SLC24A2: variants seen among roughly 807,000 people sequenced by gnomAD.
The protein encoded by SLC24A2 is solute carrier family 24 member 2.
A neutral mutation model predicts 62.0 loss-of-function variants in SLC24A2; 36 were observed. That is an observed-to-expected ratio of 0.58 (90% CI 0.44 to 0.77). The LOEUF (loss-of-function observed/expected upper bound fraction) is 0.77. SLC24A2 is among the 30% of genes least tolerant of loss of function. SLC24A2 has a pLI of 0.00. For synonymous variants in SLC24A2, 358 were observed against 294.0 expected, an observed-to-expected ratio of 1.22 and a Z score of -2.23; for missense variants, 846 against 817.9, an observed-to-expected ratio of 1.03 and a Z score of -0.42.
At chr9:20,150,810 G>A in the SLC24A2 span, among the ~76,000 whole-genome samples, 3 of 151,746 alleles carry the variant, frequency 2.0e-5, no homozygotes, top group Non-Finnish European at 2.9e-5. Flanking sequence ...AATAAATATA[G>A]TATGATTTTT....
chr9:19,855,055 G>C, the SLC24A2 span, among the ~76,000 whole-genome samples: 1 of 152,060 alleles, frequency 6.6e-6, no homozygotes, highest in Non-Finnish European at 1.5e-5. Flanking sequence ...GCCCTCCTTT[G>C]TCTTTTTTAA....
intron 2 of SLC24A2, among the ~76,000 whole-genome samples, chr9:19,743,111 A>C (rs989172356): frequency 2.0e-5 from 3 of 147,824 alleles, no homozygotes; most frequent in Non-Finnish European, 4.4e-5. Context: ...TTGTGTGCTT[A>C]ACAACTATCT....
At chr9:20,077,088 T>A in the SLC24A2 span, among the ~76,000 whole-genome samples, 4 of 151,744 alleles carry the variant, frequency 2.6e-5, no homozygotes, top group African/African-American at 9.7e-5. Context: ...GAAATCTTTT[T>A]AAAAAAAGGT....
At chr9:19,520,780 A>G in intron 10 of SLC24A2, 114 bp downstream of exon 10, 1 of 907,786 alleles carries the variant, frequency 1.1e-6, no homozygotes, top group African/African-American at 1.6e-5. Context: ...TTTACTCTGT[A>G]TTGGTATTGG....
At chr9:19,989,142 T>A in the SLC24A2 span, among the ~76,000 whole-genome samples, 26 of 152,268 alleles carry the variant, frequency 1.7e-4, no homozygotes, top group South Asian at 3.5e-3. Flanking sequence ...TGTATTTACA[T>A]TATTCCATGT....
chr9:19,671,775 A>AT (rs144693825), intron 2 of SLC24A2, among the ~76,000 whole-genome samples: 4,755 of 121,688 alleles, frequency 0.039, 1,028 homozygotes, highest in African/African-American at 0.18. Flanking sequence ...TAGATGCTGG[A>AT]TTTTGTCAAA....
At chr9:19,545,108 G>A (rs928200299) in intron 8 of SLC24A2, among the ~76,000 whole-genome samples, 7 of 151,886 alleles carry the variant, frequency 4.6e-5, no homozygotes, top group African/African-American at 1.7e-4. Flanking sequence ...CATATTTCTT[G>A]GAGGCTTTGT....
intron 7 of SLC24A2, among the ~76,000 whole-genome samples, chr9:19,557,364 G>C (rs191264055): frequency 6.6e-6 from 1 of 152,344 alleles, no homozygotes; most frequent in African/African-American, 2.4e-5. Context: ...CTTCTTGGAA[G>C]GCCTGGGGGT....
chr9:20,214,479 G>T, the SLC24A2 span, among the ~76,000 whole-genome samples: 59 of 152,206 alleles, frequency 3.9e-4, no homozygotes, highest in East Asian at 4.8e-3. Flanking sequence ...GCTGGGCATT[G>T]TGGTGGGCCC....
the SLC24A2 span, among the ~76,000 whole-genome samples, chr9:20,076,583 T>G: frequency 1.3e-5 from 2 of 152,018 alleles, no homozygotes; most frequent in African/African-American, 4.8e-5. Context: ...TTGTGACACC[T>G]TGATGTAAGC....
At chr9:19,535,804 T>C (rs192250816) in intron 8 of SLC24A2, among the ~76,000 whole-genome samples, 1 of 152,164 alleles carries the variant, frequency 6.6e-6, no homozygotes, top group African/African-American at 2.4e-5. Context: ...GTTCTTTGCT[T>C]AGGATTGCCT....
chr9:20,015,285 A>C, the SLC24A2 span, among the ~76,000 whole-genome samples: 1 of 152,332 alleles, frequency 6.6e-6, no homozygotes, highest in Middle Eastern at 3.4e-3. Context: ...TGGAACCTGC[A>C]TCAGCCTCAC....
At chr9:20,107,021 G>A in the SLC24A2 span, among the ~76,000 whole-genome samples, 1 of 152,184 alleles carries the variant, frequency 6.6e-6, no homozygotes, top group Non-Finnish European at 1.5e-5. Context: ...CAAAATCAAT[G>A]TACAAAAATC....
At chr9:20,025,188 A>G in the SLC24A2 span, among the ~76,000 whole-genome samples, 7 of 152,258 alleles carry the variant, frequency 4.6e-5, 1 homozygote, top group Admixed American at 4.6e-4. Flanking sequence ...CACTAAATTA[A>G]TTTTATGTCT....
In SLC24A2 at chr9:19,765,768, T is replaced by C. The variant is rs1315103037; in HGVS notation, c.930+20169A>G. ...TCAATTTTGGTGAATCTGACATTTA[T>C]GTGTTTTGGGGTTGCTCTTCTCGAG... On this transcript the variant is annotated intron_variant, in intron 2 of 10. Transcript: ENST00000341998. Among the ~76,000 whole-genome samples the C allele has an allele frequency of 2.0e-5, 3 of 152,212 alleles. No individual in the cohort carries two copies. In the East Asian group the frequency reaches 5.8e-4, roughly 29 times the overall value.
At chr9:20,150,607 C>CTAGATTACAAT in the SLC24A2 span, among the ~76,000 whole-genome samples, 19 of 151,762 alleles carry the variant, frequency 1.3e-4, no homozygotes, top group African/African-American at 4.6e-4. Context: ...AGGAATCTAG[C>CTAGATTACAAT]CTAAAAATAT....
chr9:19,578,644 T>C (rs1004354428), intron 5 of SLC24A2, among the ~76,000 whole-genome samples: 4 of 152,090 alleles, frequency 2.6e-5, no homozygotes, highest in African/African-American at 4.8e-5. Context: ...CAAACAAATA[T>C]GTTTCTCCTG....
chr9:20,085,612 A>G, the SLC24A2 span, among the ~76,000 whole-genome samples: 1 of 152,216 alleles, frequency 6.6e-6, no homozygotes, highest in Non-Finnish European at 1.5e-5. Context: ...TTTTCTTTCT[A>G]CTCATTCAGT....
intron 2 of SLC24A2, among the ~76,000 whole-genome samples, chr9:19,753,371 C>G (rs933624261): frequency 6.6e-6 from 1 of 152,212 alleles, no homozygotes; most frequent in Non-Finnish European, 1.5e-5. Context: ...AGCTCTTGTT[C>G]TGGAGAGTTC....
Sources: gnomAD v4.1 joint callset for allele counts (sites outside exome capture counted in the v4.1 genomes callset) on GRCh38, gnomAD v4.1.1 for gene constraint, MANE v1.5 for transcripts, NCBI Gene and HGNC (gene_info 2026-07-23, HGNC 2026-07-21) for gene names.